The following RAPGEF2 variants were observed in gnomAD, a reference collection of about 807,000 sequenced individuals.
The protein encoded by RAPGEF2 is Rap guanine nucleotide exchange factor 2.
A neutral mutation model predicts 186.7 loss-of-function variants in RAPGEF2; 54 were observed. That is an observed-to-expected ratio of 0.29 (90% CI 0.23 to 0.36). The LOEUF (loss-of-function observed/expected upper bound fraction) is 0.36. RAPGEF2 is among the 10% of genes least tolerant of loss of function. The pLI is 1.00. For missense variants in RAPGEF2, 1,532 were observed against 2,045.0 expected, an observed-to-expected ratio of 0.75 and a Z score of 4.84; for synonymous variants, 712 against 705.9, an observed-to-expected ratio of 1.01 and a Z score of -0.14.
chr4:159,334,921 G>C (rs1008376411), intron 17 of RAPGEF2, among the ~76,000 whole-genome samples: 1 of 152,098 alleles, frequency 6.6e-6, no homozygotes, highest in Non-Finnish European at 1.5e-5. Flanking sequence ...GAAATCATAT[G>C]TGTAATGCAA....
At chr4:159,356,249 G>A in intron 29 of RAPGEF2, 91 bp downstream of exon 29, 1 of 1,292,560 alleles carries the variant, frequency 7.7e-7, no homozygotes, top group South Asian at 1.4e-5. Flanking sequence ...TAACACTGCA[G>A]TCAGCTATGT....
intron 7 of RAPGEF2, among the ~76,000 whole-genome samples, chr4:159,286,390 G>A (rs190143437): frequency 2.2e-4 from 33 of 152,110 alleles, no homozygotes; most frequent in Admixed American, 8.5e-4. Flanking sequence ...AATAGTACTT[G>A]TACTATTCCT....
chr4:159,262,378 G>T (rs6831016), intron 7 of RAPGEF2, among the ~76,000 whole-genome samples: 26 of 152,028 alleles, frequency 1.7e-4, no homozygotes, highest in African/African-American at 5.6e-4. Context: ...TTACATATGC[G>T]GTGTTAATGT....
At chr4:159,351,118 T>C (rs1731110763) in intron 26 of RAPGEF2, 1 of 1,535,362 alleles carries the variant, frequency 6.5e-7, no homozygotes, top group Non-Finnish European at 8.7e-7. Flanking sequence ...AACCAGTTCC[T>C]CCTCTTCTCT....
chr4:159,342,872 A>C, intron 20 of RAPGEF2, 107 bp from the exon 21 acceptor site: 1 of 975,198 alleles, frequency 1.0e-6, no homozygotes, highest in Non-Finnish European at 1.5e-6. Flanking sequence ...GCCTTCTGTA[A>C]ATTGTTATGC....
chr4:159,240,360 G>A (rs1753828176), intron 5 of RAPGEF2, among the ~76,000 whole-genome samples: 1 of 84,424 alleles, frequency 1.2e-5, no homozygotes, highest in African/African-American at 4.8e-5. Context: ...TGGAGACGGA[G>A]TCTTGTCGTG....
At chr4:159,134,657 G>A (rs1291073663) in intron 1 of RAPGEF2, among the ~76,000 whole-genome samples, 11 of 152,108 alleles carry the variant, frequency 7.2e-5, no homozygotes, top group Admixed American at 7.2e-4. Flanking sequence ...GTTTTATTTT[G>A]TAAGTCATCT....
intron 1 of RAPGEF2, among the ~76,000 whole-genome samples, chr4:159,111,713 T>C (rs1270206054): frequency 6.6e-6 from 1 of 152,224 alleles, no homozygotes; most frequent in Non-Finnish European, 1.5e-5. Flanking sequence ...TCATTATCTT[T>C]TAAAATGTAT....
intron 1 of RAPGEF2, among the ~76,000 whole-genome samples, chr4:159,172,047 C>T (rs975304102): frequency 3.9e-5 from 6 of 152,072 alleles, no homozygotes; most frequent in African/African-American, 1.4e-4. Flanking sequence ...GGGAAGGTTA[C>T]AGTCCCACAA....
At chr4:159,114,391 T>C in intron 1 of RAPGEF2, among the ~76,000 whole-genome samples, 1 of 151,900 alleles carries the variant, frequency 6.6e-6, no homozygotes, top group Non-Finnish European at 1.5e-5. Flanking sequence ...CGTGAGCCAC[T>C]GCGCCCGGCC....
intron 1 of RAPGEF2, among the ~76,000 whole-genome samples, chr4:159,131,082 TTG>T (rs71589209): frequency 1.6e-5 from 2 of 126,270 alleles, no homozygotes; most frequent in East Asian, 2.4e-4. Context: ...GCGTGTTGTT[TTG>T]TGTGTGTGTG....
intron 7 of RAPGEF2, among the ~76,000 whole-genome samples, chr4:159,257,976 A>T (rs768969682): frequency 6.6e-6 from 1 of 152,190 alleles, no homozygotes; most frequent in Admixed American, 6.5e-5. Context: ...TTGTAGAATT[A>T]ATGAGTGAAT....
chr4:159,321,891 A>G (rs185655193), intron 9 of RAPGEF2, among the ~76,000 whole-genome samples: 2 of 152,320 alleles, frequency 1.3e-5, no homozygotes, highest in African/African-American at 4.8e-5. Context: ...TGATACATGG[A>G]AAATATTCCT....
In RAPGEF2 at chr4:159,130,746, T is replaced by G. The variant is rs560069382; in HGVS notation, c.69+26515T>G. ...TATTTTTTGGGACAGGATGTTGCTC[T>G]GTTGCCTAGGCTGGAGTGCAGTGGC... is the stretch of plus-strand genomic sequence containing the variant. On this transcript the variant is annotated intron_variant, in intron 1 of 29. Coordinates refer to ENST00000691494, the MANE Select transcript of RAPGEF2 (RefSeq NM_001394067.2). Among the ~76,000 whole-genome samples, 3 of 152,344 alleles carry G rather than the reference T, an allele frequency of 2.0e-5. No homozygotes were observed. In the East Asian group the frequency reaches 5.8e-4, roughly 29 times the overall value.
chr4:159,104,295 G>A (rs926607687), intron 1 of RAPGEF2, 64 bp downstream of exon 1: 1 of 907,340 alleles, frequency 1.1e-6, no homozygotes, highest in African/African-American at 1.9e-5. Flanking sequence ...GTCTTCCCCT[G>A]TCCCCCCACC....
Position 159,332,495 on chromosome 4 carries a change from G to C in RAPGEF2, c.1933G>C (p.Gly645Arg). The C allele has an allele frequency of 6.2e-7, 1 of 1,613,830 alleles. No homozygotes were observed. Among genetic ancestry groups the C allele is most frequent in the Non-Finnish European group, 8.5e-7 (1 of 1,179,832 alleles). The change falls in exon 17 of 30, where the codon GGT (glycine) becomes CGT (arginine). Residue 645 changes from glycine (G) to arginine (R), a missense_variant. Coordinates refer to ENST00000691494, the MANE Select transcript of RAPGEF2 (RefSeq NM_001394067.2). ...AAGATTGTCAGAAGAGAAAAGAAAT[G>C]GTGCCCCCCACCTTCCTAAAATTGG... is the stretch of plus-strand genomic sequence containing the variant. ...LTRLSEEKRN[G>R]APHLPKIGDI...
At chr4:159,273,678 C>G (rs984694752) in intron 7 of RAPGEF2, among the ~76,000 whole-genome samples, 3 of 146,480 alleles carry the variant, frequency 2.0e-5, no homozygotes, top group Non-Finnish European at 4.6e-5. Flanking sequence ...TTCTTTCTTT[C>G]TTTCTTTCTT....
chr4:159,197,342 GA>G (rs1748749538), intron 3 of RAPGEF2, among the ~76,000 whole-genome samples: 1 of 152,168 alleles, frequency 6.6e-6, no homozygotes, highest in African/African-American at 2.4e-5. Context: ...AAGTGAAACG[GA>G]AATACTGTTT....
At chr4:159,167,704 A>T (rs1284844725) in intron 1 of RAPGEF2, among the ~76,000 whole-genome samples, 1 of 152,238 alleles carries the variant, frequency 6.6e-6, no homozygotes, top group East Asian at 1.9e-4. Context: ...TGTTCCTGGC[A>T]TCTAGAATAG....
Sources: gnomAD v4.1 joint callset for allele counts (sites outside exome capture counted in the v4.1 genomes callset) on GRCh38, gnomAD v4.1.1 for gene constraint, MANE v1.5 for transcripts, NCBI Gene and HGNC (gene_info 2026-07-23, HGNC 2026-07-21) for gene names.